LINGO2: variants seen among roughly 807,000 people sequenced by gnomAD.
LINGO2 encodes the protein leucine-rich repeat and immunoglobulin-like domain-containing nogo receptor-interacting protein 2.
A neutral mutation model predicts 30.6 loss-of-function variants in LINGO2; 14 were observed. The observed-to-expected ratio is 0.46, with a 90% CI of 0.30 to 0.72. LINGO2 has a LOEUF of 0.72. LINGO2 is among the 30% of genes least tolerant of loss of function. The pLI is 0.07. For synonymous variants in LINGO2, 317 were observed against 288.5 expected, an observed-to-expected ratio of 1.10 and a Z score of -1.00; for missense variants, 729 against 751.7, an observed-to-expected ratio of 0.97 and a Z score of 0.35.
chr9:28,703,632 T>A, the LINGO2 span, among the ~76,000 whole-genome samples: 2 of 151,920 alleles, frequency 1.3e-5, no homozygotes, highest in Non-Finnish European at 2.9e-5. Flanking sequence ...TACCTTTGAG[T>A]TCAACTATGT....
the LINGO2 span, among the ~76,000 whole-genome samples, chr9:29,172,053 A>G: frequency 6.6e-6 from 1 of 151,932 alleles, no homozygotes; most frequent in Admixed American, 6.6e-5. Flanking sequence ...TTTGACCAAA[A>G]GGCAGGTGGC....
At chr9:29,159,984 T>C in the LINGO2 span, among the ~76,000 whole-genome samples, 1 of 152,202 alleles carries the variant, frequency 6.6e-6, no homozygotes, top group African/African-American at 2.4e-5. Context: ...CTTACAATTG[T>C]TTACAAATTA....
intron 1 of LINGO2, among the ~76,000 whole-genome samples, chr9:28,565,834 G>A (rs1211235216): frequency 2.0e-5 from 3 of 152,086 alleles, no homozygotes. Context: ...GATTACAGGC[G>A]TGAGCCACTG....
the LINGO2 span, among the ~76,000 whole-genome samples, chr9:29,043,922 A>C: frequency 2.6e-5 from 4 of 152,198 alleles, no homozygotes; most frequent in Non-Finnish European, 5.9e-5. Flanking sequence ...ACCTGAGTTC[A>C]AGAAACCTGA....
chr9:28,706,064 C>A, the LINGO2 span, among the ~76,000 whole-genome samples: 1 of 152,064 alleles, frequency 6.6e-6, no homozygotes, highest in South Asian at 2.1e-4. Flanking sequence ...ACTGAGGGCA[C>A]AAATCTTCTG....
chr9:28,992,365 G>T, the LINGO2 span, among the ~76,000 whole-genome samples: 1 of 152,038 alleles, frequency 6.6e-6, no homozygotes, highest in Non-Finnish European at 1.5e-5. Flanking sequence ...AATTCATAAA[G>T]CAAGTCCTCA....
At chr9:28,443,155 G>A (rs865885610) in intron 2 of LINGO2, among the ~76,000 whole-genome samples, 1 of 152,152 alleles carries the variant, frequency 6.6e-6, no homozygotes, top group African/African-American at 2.4e-5. Flanking sequence ...CAATTGCCTC[G>A]CTTCATCTAT....
At chr9:28,899,471 G>A in the LINGO2 span, among the ~76,000 whole-genome samples, 1 of 152,040 alleles carries the variant, frequency 6.6e-6, no homozygotes, top group Non-Finnish European at 1.5e-5. Context: ...GCTCCAGACT[G>A]ACCACAGCAC....
rs553480771 is a variant in LINGO2 at position 28,495,069 on chromosome 9, G to GT, written c.-364-19045dup. On this transcript the variant is annotated intron_variant, in intron 1 of 5. Transcript: ENST00000379992. ...CGCCCACTTTTTGATGGGGTTGTTT[G>GT]TTTTTTCTTGTAAATTTGTTTGAGT... 4.1e-3 allele frequency among the ~76,000 whole-genome samples: 625 copies of GT among 152,072 alleles called. 4 individuals carry two copies. The highest frequency in any genetic ancestry group is 0.015 in the African/African-American group (603 of 41,502).
chr9:28,876,700 G>A, the LINGO2 span, among the ~76,000 whole-genome samples: 38 of 152,108 alleles, frequency 2.5e-4, no homozygotes, highest in African/African-American at 6.7e-4. Flanking sequence ...GAATAGTGCC[G>A]CAATAAACAT....
chr9:28,507,045 A>G (rs554766189), intron 1 of LINGO2, among the ~76,000 whole-genome samples: 1 of 152,230 alleles, frequency 6.6e-6, no homozygotes, highest in East Asian at 1.9e-4. Flanking sequence ...TTCCACATTT[A>G]CCAGCTGAAA....
the LINGO2 span, among the ~76,000 whole-genome samples, chr9:28,793,238 T>G: frequency 6.6e-6 from 1 of 152,116 alleles, no homozygotes; most frequent in South Asian, 2.1e-4. Context: ...AACAATATTT[T>G]TTAAATTTTT....
At chr9:29,152,779 C>G in the LINGO2 span, among the ~76,000 whole-genome samples, 2 of 151,910 alleles carry the variant, frequency 1.3e-5, no homozygotes, top group South Asian at 2.1e-4. Context: ...ACATGTACCC[C>G]CTGAATGAAA....
At chr9:28,035,756 T>C (rs1823900810) in intron 4 of LINGO2, among the ~76,000 whole-genome samples, 1 of 152,208 alleles carries the variant, frequency 6.6e-6, no homozygotes. Flanking sequence ...GTATGTTGAA[T>C]ATATGTTATG....
intron 3 of LINGO2, among the ~76,000 whole-genome samples, chr9:28,348,330 A>C (rs1315871722): frequency 1.3e-5 from 2 of 152,186 alleles, no homozygotes; most frequent in Non-Finnish European, 2.9e-5. Flanking sequence ...GCATTGCCTC[A>C]CTTGGGAAGC....
intron 5 of LINGO2, among the ~76,000 whole-genome samples, chr9:27,992,187 T>C (rs1410201945): frequency 6.9e-6 from 1 of 144,990 alleles, no homozygotes; most frequent in Admixed American, 6.9e-5. Context: ...TCCTTTGCCC[T>C]AACCTGTCAC....
the LINGO2 span, among the ~76,000 whole-genome samples, chr9:28,748,936 T>C: frequency 3.5e-4 from 54 of 152,138 alleles, no homozygotes; most frequent in African/African-American, 1.2e-3. Flanking sequence ...ATCAACTGTT[T>C]TGATGTGTAA....
At chr9:28,580,765 A>C (rs1192201920) in intron 1 of LINGO2, among the ~76,000 whole-genome samples, 1 of 152,018 alleles carries the variant, frequency 6.6e-6, no homozygotes, top group African/African-American at 2.4e-5. Context: ...ATCAACTTTC[A>C]CCAAGCTCTG....
At chr9:28,211,324 C>T (rs1466161870) in intron 4 of LINGO2, among the ~76,000 whole-genome samples, 2 of 148,992 alleles carry the variant, frequency 1.3e-5, no homozygotes, top group African/African-American at 2.5e-5. Flanking sequence ...ACAGTATTTT[C>T]CCTGCCATTG....
Sources: gnomAD v4.1 joint callset for allele counts (sites outside exome capture counted in the v4.1 genomes callset) on GRCh38, gnomAD v4.1.1 for gene constraint, MANE v1.5 for transcripts, NCBI Gene and HGNC (gene_info 2026-07-23, HGNC 2026-07-21) for gene names.